The following CR1 variants were observed in gnomAD, a reference collection of about 807,000 sequenced individuals.
CR1 encodes complement receptor type 1.
In CR1, 116 loss-of-function variants were observed where a neutral mutation model predicts 187.3. The ratio of observed to expected loss-of-function variants is 0.62; its 90% CI spans 0.53 to 0.72. CR1 has a LOEUF of 0.72. Ranked by LOEUF, CR1 falls within the 30% of genes least tolerant of loss-of-function variation. The pLI is 0.00. For synonymous variants in CR1, 576 were observed against 747.1 expected (o/e 0.77, Z 3.73); for missense variants, 1,731 against 2,110.7 (o/e 0.82, Z 3.52).
chr1:207,612,143 G>C (rs1274091995), intron 39 of CR1, 102 bp downstream of exon 39: 1 of 1,198,052 alleles, frequency 8.3e-7, no homozygotes, highest in East Asian at 2.4e-5. Flanking sequence ...TAGATAAGAA[G>C]TACCCAGAGA....
intron 4 of CR1, among the ~76,000 whole-genome samples, chr1:207,514,445 G>A (rs996092961): frequency 6.6e-6 from 1 of 152,124 alleles, no homozygotes; most frequent in African/African-American, 2.4e-5. Flanking sequence ...GATGATTAGG[G>A]CATGAGAGCA....
rs192442770 is a variant in CR1 at position 207,619,944 on chromosome 1, A to G, written c.7131A>G (p.Val2377=). 1.4e-4 allele frequency: 233 copies of G among 1,610,678 alleles called. 5 individuals are homozygous for G. In the East Asian group the frequency reaches 4.8e-3, roughly 33 times the overall value. The change falls in exon 43 of 47, where the codon GTA becomes GTG. Residue 2377 remains valine (V), a synonymous_variant. Transcript: ENST00000367049. ...GISKELEMKK[V]YHYGDYVTLK... Reference sequence around the variant, plus strand: ...CGAAGGAGTTAGAAATGAAAAAAGTATATCACTATGGAGATTATGTGACTT... The same window carrying G: ...CGAAGGAGTTAGAAATGAAAAAAGTGTATCACTATGGAGATTATGTGACTT...
intron 42 of CR1, among the ~76,000 whole-genome samples, chr1:207,619,376 C>CAAA (rs67078800): frequency 3.2e-5 from 3 of 92,652 alleles, no homozygotes; most frequent in Non-Finnish European, 4.4e-5. Context: ...CAGTGAGACT[C>CAAA]AAAAAAAAAA....
Position 207,573,154 on chromosome 1 carries a change from C to T in CR1, c.4452-2441C>T, listed in dbSNP as rs934382614. On this transcript the variant is annotated intron_variant, in intron 27 of 46. Transcript: ENST00000367049. ...TCAGGCATCAGGTGCTCACAGCACA[C>T]GGTCCAGCTGTTGGTGCTCACCCTT... 6.6e-5 allele frequency among the ~76,000 whole-genome samples: 10 copies of T among 152,212 alleles called. No homozygotes were observed. In the East Asian group the frequency reaches 9.7e-4, roughly 15 times the overall value.
intron 1 of CR1, among the ~76,000 whole-genome samples, chr1:207,504,771 A>G (rs931231155): frequency 6.6e-6 from 1 of 152,142 alleles, no homozygotes; most frequent in African/African-American, 2.4e-5. Context: ...CTGATTTTTT[A>G]AAAAGGAGCC....
In CR1 at chr1:207,582,015, G is replaced by A; in HGVS notation, c.5302+12G>A. On this transcript the variant is annotated intron_variant, in intron 32 of 46. Coordinates refer to ENST00000367049, the MANE Select transcript of CR1 (RefSeq NM_000651.6). ...TCCTGTGTGTGAACGTGAGTAGATGGAATACTTGTTCAGTCTGGATCTTTC... is the reference window on the plus strand; with the variant it reads ...TCCTGTGTGTGAACGTGAGTAGATGAAATACTTGTTCAGTCTGGATCTTTC... The A allele has an allele frequency of 6.3e-7, 1 of 1,583,738 alleles. No individual in the cohort carries two copies. Among genetic ancestry groups the A allele is most frequent in the South Asian group, 1.1e-5 (1 of 89,942 alleles).
At chr1:207,593,706 T>G (rs1661346161) in intron 35 of CR1, among the ~76,000 whole-genome samples, 1 of 152,060 alleles carries the variant, frequency 6.6e-6, no homozygotes, top group Admixed American at 6.6e-5. Context: ...TTGCAATCCA[T>G]CCATATGACA....
At chr1:207,591,161 C>T (rs558750100) in intron 35 of CR1, among the ~76,000 whole-genome samples, 1 of 152,288 alleles carries the variant, frequency 6.6e-6, no homozygotes, top group Admixed American at 6.5e-5. Flanking sequence ...TTCTTCTCAG[C>T]ACCACATAGC....
chr1:207,499,728 C>A (rs1184004455), intron 1 of CR1, among the ~76,000 whole-genome samples: 1 of 152,148 alleles, frequency 6.6e-6, no homozygotes, highest in Admixed American at 6.5e-5. Context: ...GTTTGGTTAT[C>A]CCTGCTAGGT....
At position 207,523,592 on chromosome 1, in the gene CR1, C is replaced by T; in HGVS notation, c.488-19C>T. The T allele has an allele frequency of 2.5e-6, 4 of 1,613,704 alleles. No homozygotes were observed. The highest frequency in any genetic ancestry group is 3.4e-6 in the Non-Finnish European group (4 of 1,179,840). On this transcript the variant is annotated intron_variant, in intron 4 of 46. Coordinates refer to ENST00000367049, the MANE Select transcript of CR1 (RefSeq NM_000651.6). The stretch of plus-strand genomic sequence containing the variant: ...TTATTTAAACTGACTGTTATTTATC[C>T]TGCTCTTCCTTTTTCCAGGAATTCC...
At chr1:207,621,187 G>A (rs1258819139) in intron 43 of CR1, among the ~76,000 whole-genome samples, 6 of 151,942 alleles carry the variant, frequency 3.9e-5, no homozygotes, top group African/African-American at 4.8e-5. Flanking sequence ...AGGCAGGAGA[G>A]TCGCTTGAAC....
intron 19 of CR1, among the ~76,000 whole-genome samples, chr1:207,556,675 A>G (rs1660356018): frequency 1.5e-5 from 1 of 64,662 alleles, no homozygotes; most frequent in African/African-American, 4.5e-5. Flanking sequence ...ATATATATAT[A>G]TATATCACAA....
Position 207,567,805 on chromosome 1 carries a change from GC to G in CR1, c.3953-18del, listed in dbSNP as rs776838376. 1 of 1,611,054 alleles carries G rather than the reference GC, an allele frequency of 6.2e-7. No homozygotes were observed. Among genetic ancestry groups the G allele is most frequent in the Admixed American group, 1.7e-5 (1 of 59,974 alleles). ...GTGAAACTCCTGAATGAAACTTAGA[GC>G]TTTTGTATGTTTTCTAGAAATCTTT... On this transcript the variant is annotated intron_variant, in intron 24 of 46. Coordinates refer to ENST00000367049, the MANE Select transcript of CR1 (RefSeq NM_000651.6).
rs186116630 is a variant in CR1, at chr1:207,622,964, G to A, written c.7277-29G>A. ...AAAACCTGTAAGTTATATTTTCCAT[G>A]CATTTAATTACCTTGTTTTACTGCC... is the stretch of plus-strand genomic sequence containing the variant. On this transcript the variant is annotated intron_variant, in intron 44 of 46. Transcript: ENST00000367049. The A allele has an allele frequency of 6.9e-6, 10 of 1,452,292 alleles. No individual in the cohort carries two copies. In the East Asian group the frequency reaches 1.2e-4, roughly 17 times the overall value. 90.0% of individuals were successfully genotyped at this position (1,452,292 alleles called of 1,614,324 possible). A position where few individuals can be genotyped will look rare whatever the true frequency, so the allele number is the denominator to read the frequency against.
In CR1 at chr1:207,611,694, G is replaced by A; in HGVS notation, c.6313G>A (p.Glu2105Lys). 1 of 1,613,830 alleles carries A rather than the reference G, an allele frequency of 6.2e-7. No homozygotes were observed. The highest frequency in any genetic ancestry group is 1.1e-5 in the South Asian group (1 of 91,080). ...HCSRVCQPPP[E>K]ILHGEHTLSH... ...TTCCACAGTGTGTCAGCCGCCTCCA[G>A]AAATCCTGCATGGTGAGCATACCCT... Residue 2105 changes from glutamate to lysine, a missense_variant, in exon 38 of 47, where the codon GAA becomes AAA. Physicochemically the swap from Glu to Lys is moderately conservative, Grantham distance 56. This residue lies in a region of CR1 where 1,312 missense variants were observed against 1,379.6 expected (regional missense o/e 0.95). Coordinates refer to ENST00000367049, the MANE Select transcript of CR1 (RefSeq NM_000651.6).
chr1:207,544,675 A>C (rs1660261013), intron 13 of CR1, among the ~76,000 whole-genome samples: 1 of 144,318 alleles, frequency 6.9e-6, no homozygotes. Flanking sequence ...GGTCTTTCAG[A>C]TTTTGTTCGA....
At position 207,637,083 on chromosome 1, in the gene CR1, A is replaced by G. The variant is rs191726460; in HGVS notation, c.7458-2314A>G. 5.3e-5 allele frequency among the ~76,000 whole-genome samples: 8 copies of G among 152,376 alleles called. No homozygotes were observed. In the East Asian group the frequency reaches 1.5e-3, roughly 29 times the overall value. The stretch of plus-strand genomic sequence containing the variant: ...TTTCTAGACCAAATTCTAATGCAGT[A>G]TGAGGCCACAGTAAGCCTCCATAAT... On this transcript the variant is annotated intron_variant, in intron 46 of 46. Transcript: ENST00000367049.
intron 29 of CR1, 113 bp from the exon 30 acceptor site, chr1:207,580,127 T>A: frequency 6.8e-7 from 1 of 1,467,868 alleles, no homozygotes; most frequent in African/African-American, 1.4e-5. Flanking sequence ...TGGGGCCTTG[T>A]GCTAGGGAGA....
intron 35 of CR1, among the ~76,000 whole-genome samples, chr1:207,594,326 C>T (rs34386700): frequency 0.21 from 32,000 of 152,018 alleles, 4,278 homozygotes; most frequent in Non-Finnish European, 0.31. Flanking sequence ...AGCTAGAAAC[C>T]ATCATTCTCA....
Sources: gnomAD v4.1 joint callset for allele counts (sites outside exome capture counted in the v4.1 genomes callset) on GRCh38, gnomAD v4.1.1 for gene constraint, gnomAD v4.1.1 regional missense constraint, MANE v1.5 for transcripts, NCBI Gene and HGNC (gene_info 2026-07-23, HGNC 2026-07-21) for gene names.